IQCM: variants seen among roughly 807,000 people sequenced by gnomAD.
The protein encoded by IQCM is IQ domain-containing protein M.
IQCM carries 45 observed loss-of-function variants against 57.6 expected under a neutral mutation model. That is an observed-to-expected ratio of 0.78 (90% CI 0.62 to 1.00). The LOEUF is 1.00. IQCM is among the 50% of genes least tolerant of loss of function. The pLI is 0.00. For missense variants in IQCM, 468 were observed against 511.6 expected (o/e 0.91, Z 0.82); for synonymous variants, 148 against 158.9 (o/e 0.93, Z 0.51).
At chr4:149,711,611 C>G (rs1764564974) in intron 5 of IQCM, among the ~76,000 whole-genome samples, 1 of 152,142 alleles carries the variant, frequency 6.6e-6, no homozygotes, top group African/African-American at 2.4e-5. Flanking sequence ...GCAGTGGAAG[C>G]ATTTTTGGGT....
intron 2 of IQCM, among the ~76,000 whole-genome samples, chr4:149,763,832 C>T (rs1769771696): frequency 6.6e-6 from 1 of 151,684 alleles, no homozygotes; most frequent in South Asian, 2.1e-4. Flanking sequence ...AGATGCAATA[C>T]CTGAAGAACA....
chr4:149,557,318 C>T (rs1330463626), intron 10 of IQCM, among the ~76,000 whole-genome samples: 5 of 152,112 alleles, frequency 3.3e-5, no homozygotes, highest in Non-Finnish European at 5.9e-5. Flanking sequence ...GCTAGACAGC[C>T]TTATGTTTGA....
chr4:149,651,378 C>T (rs1759163087), intron 7 of IQCM, among the ~76,000 whole-genome samples: 1 of 152,146 alleles, frequency 6.6e-6, no homozygotes, highest in Non-Finnish European at 1.5e-5. Context: ...GTAAGAAGAG[C>T]TACTCAACAA....
At chr4:149,509,147 C>G (rs1030071923) in intron 12 of IQCM, among the ~76,000 whole-genome samples, 6 of 152,270 alleles carry the variant, frequency 3.9e-5, no homozygotes, top group East Asian at 1.9e-4. Context: ...AATATACCAG[C>G]CTTCCCTTCA....
intron 12 of IQCM, among the ~76,000 whole-genome samples, chr4:149,436,929 A>G (rs970676935): frequency 2.0e-5 from 3 of 152,124 alleles, no homozygotes; most frequent in African/African-American, 7.2e-5. Flanking sequence ...AAAGCAGGTT[A>G]TATACATTTG....
intron 12 of IQCM, among the ~76,000 whole-genome samples, chr4:149,524,157 G>A (rs1462473069): frequency 6.6e-6 from 1 of 152,160 alleles, no homozygotes; most frequent in Non-Finnish European, 1.5e-5. Context: ...AAGTCAGACA[G>A]AAAAGAGCAG....
At chr4:149,764,295 G>A (rs1769823094) in intron 2 of IQCM, among the ~76,000 whole-genome samples, 1 of 152,124 alleles carries the variant, frequency 6.6e-6, no homozygotes, top group South Asian at 2.1e-4. Flanking sequence ...CCCTCCCTAG[G>A]GATCTCATCA....
At chr4:149,437,297 G>A (rs754020632) in intron 12 of IQCM, among the ~76,000 whole-genome samples, 1 of 152,072 alleles carries the variant, frequency 6.6e-6, no homozygotes, top group Non-Finnish European at 1.5e-5. Flanking sequence ...TCAGCCCTCT[G>A]AGAGCAGCAT....
chr4:149,803,437 A>G (rs772279587), intron 2 of IQCM, among the ~76,000 whole-genome samples: 9 of 151,942 alleles, frequency 5.9e-5, no homozygotes, highest in Non-Finnish European at 1.0e-4. Flanking sequence ...ATTCAACCTC[A>G]TTGAGCCTTT....
chr4:149,372,329 A>C (rs1724633986), intron 13 of IQCM, among the ~76,000 whole-genome samples: 1 of 152,170 alleles, frequency 6.6e-6, no homozygotes, highest in African/African-American at 2.4e-5. Context: ...TATTACTGAT[A>C]AGTTTTATGA....
Position 149,437,889 on chromosome 4 carries a change from C to G in IQCM, c.1229-4332G>C, listed in dbSNP as rs570704216. Among the ~76,000 whole-genome samples the G allele has an allele frequency of 3.9e-5, 6 of 152,080 alleles. No individual in the cohort carries two copies. The South Asian group carries it at 8.3e-4, about 21-fold the overall frequency. On this transcript the variant is annotated intron_variant, in intron 12 of 13. Coordinates refer to ENST00000636793, the MANE Select transcript of IQCM (RefSeq NM_001363507.2). ...AAAGAACAATAATTTACATTGAACC[C>G]TGGAGATTCCTAAATTTCCAGGATA...
chr4:149,684,439 C>A (rs2150210118), intron 6 of IQCM, among the ~76,000 whole-genome samples: 1 of 151,398 alleles, frequency 6.6e-6, no homozygotes, highest in African/African-American at 2.4e-5. Context: ...AAGGCATCTT[C>A]AGGATAATTA....
At chr4:149,532,007 G>T (rs543975857) in intron 12 of IQCM, among the ~76,000 whole-genome samples, 1 of 152,062 alleles carries the variant, frequency 6.6e-6, no homozygotes, top group Admixed American at 6.6e-5. Context: ...TGACACGAGG[G>T]CCAGCTCCAC....
At chr4:149,469,580 C>A (rs1030474638) in intron 12 of IQCM, among the ~76,000 whole-genome samples, 31 of 152,186 alleles carry the variant, frequency 2.0e-4, no homozygotes, top group Admixed American at 6.5e-5. Flanking sequence ...CTTCCCCAAC[C>A]TAGTGAGGCA....
intron 2 of IQCM, among the ~76,000 whole-genome samples, chr4:149,804,353 A>G (rs1259740703): frequency 1.3e-5 from 2 of 152,008 alleles, no homozygotes; most frequent in African/African-American, 4.8e-5. Context: ...ATTTCTCAAG[A>G]AAGTCCACAC....
chr4:149,630,354 T>A (rs1196748314), intron 7 of IQCM, among the ~76,000 whole-genome samples: 2 of 152,194 alleles, frequency 1.3e-5, no homozygotes, highest in Admixed American at 6.5e-5. Context: ...GAACAGGATA[T>A]GCACTAATTT....
intron 13 of IQCM, among the ~76,000 whole-genome samples, chr4:149,371,310 C>G (rs1224403263): frequency 6.6e-6 from 1 of 152,156 alleles, no homozygotes; most frequent in Non-Finnish European, 1.5e-5. Context: ...GCAGTAACAT[C>G]GACTCTGCCT....
At chr4:149,373,981 G>A (rs894692986) in intron 13 of IQCM, among the ~76,000 whole-genome samples, 4 of 152,190 alleles carry the variant, frequency 2.6e-5, no homozygotes, top group Non-Finnish European at 5.9e-5. Flanking sequence ...GGAAAGGTGA[G>A]TTGTTTCTGC....
chr4:149,536,785 T>C (rs1309112689), intron 12 of IQCM, among the ~76,000 whole-genome samples: 1 of 152,060 alleles, frequency 6.6e-6, no homozygotes, highest in East Asian at 1.9e-4. Context: ...CATTAGTATG[T>C]TCTCATGAAT....
Sources: allele counts gnomAD v4.1 joint callset (sites outside exome capture counted in the v4.1 genomes callset), GRCh38; gene constraint gnomAD v4.1.1; transcripts MANE v1.5; gene names NCBI Gene and HGNC (gene_info 2026-07-23, HGNC 2026-07-21).